ELAPOR1: variants seen among roughly 807,000 people sequenced by gnomAD.
The protein encoded by ELAPOR1 is endosome-lysosome associated apoptosis and autophagy regulator 1, also known as endosome/lysosome-associated apoptosis and autophagy regulator 1.
In ELAPOR1, 77 loss-of-function variants were observed where a neutral mutation model predicts 119.7. That is an observed-to-expected ratio of 0.64 (90% CI 0.54 to 0.78). ELAPOR1 has a LOEUF of 0.78. Ranked by LOEUF, ELAPOR1 falls within the 30% of genes least tolerant of loss-of-function variation. ELAPOR1 has a pLI of 0.00. For missense variants in ELAPOR1, 1,115 were observed against 1,270.4 expected (o/e 0.88, Z 1.86); for synonymous variants, 481 against 487.2 (o/e 0.99, Z 0.17).
intron 3 of ELAPOR1, among the ~76,000 whole-genome samples, chr1:109,165,122 T>A (rs1459328218): frequency 6.6e-6 from 1 of 152,018 alleles, no homozygotes; most frequent in Non-Finnish European, 1.5e-5. Context: ...GAGACCCCTG[T>A]CTCTACAAAA....
Position 109,191,640 on chromosome 1 carries a change from G to T in ELAPOR1, c.1546-86G>T. 6 of 1,561,856 alleles carry T rather than the reference G, an allele frequency of 3.8e-6. No individual in the cohort carries two copies. In the South Asian group the frequency reaches 6.9e-5, roughly 18 times the overall value. On this transcript the variant is annotated intron_variant, in intron 12 of 21. Coordinates refer to ENST00000369939, the MANE Select transcript of ELAPOR1 (RefSeq NM_020775.5). ...CAGTTTAACAAGGGTCTCACCAACC[G>T]TGATGGCACCTGGGATGGCAGCCAC...
In ELAPOR1 at chr1:109,206,295, G is replaced by A. The variant is rs1048323449; in HGVS notation, c.*3283G>A. Reference sequence around the variant, plus strand: ...CTCCCAAAGTGCTGGGATTACAGGTGTAAGCCACCGTGCCTGGCCTACATG... The same window carrying A: ...CTCCCAAAGTGCTGGGATTACAGGTATAAGCCACCGTGCCTGGCCTACATG... On this transcript the variant is annotated 3_prime_UTR_variant, in exon 22 of 22. Coordinates refer to ENST00000369939, the MANE Select transcript of ELAPOR1 (RefSeq NM_020775.5). The A allele has an allele frequency of 2.0e-5, 3 of 152,244 alleles. No individual in the cohort carries two copies. The highest frequency in any genetic ancestry group is 7.2e-5 in the African/African-American group (3 of 41,452). The allele number at this position is 152,244 out of a possible 1,614,324, so 9.4% of individuals were successfully genotyped here.
At chr1:109,140,779 T>A (rs928212652) in intron 1 of ELAPOR1, among the ~76,000 whole-genome samples, 1 of 152,214 alleles carries the variant, frequency 6.6e-6, no homozygotes, top group Non-Finnish European at 1.5e-5. Flanking sequence ...TTATTAAGTG[T>A]CCAGAATTTA....
At chr1:109,144,061 A>ATATCTATT in intron 1 of ELAPOR1, among the ~76,000 whole-genome samples, 1 of 89,018 alleles carries the variant, frequency 1.1e-5, no homozygotes, top group African/African-American at 4.8e-5. Context: ...ATATTTATAT[A>ATATCTATT]TTTTTTTTTT....
At chr1:109,117,912 C>T (rs1648129145) in intron 1 of ELAPOR1, among the ~76,000 whole-genome samples, 1 of 151,944 alleles carries the variant, frequency 6.6e-6, no homozygotes, top group South Asian at 2.1e-4. Flanking sequence ...GGTGGATCAC[C>T]TGAGGTTGGG....
At chr1:109,170,314 G>A (rs1280158872) in intron 3 of ELAPOR1, among the ~76,000 whole-genome samples, 1 of 152,118 alleles carries the variant, frequency 6.6e-6, no homozygotes, top group Non-Finnish European at 1.5e-5. Context: ...TCTTAAGCAG[G>A]GTGATGGGTC....
At chr1:109,195,043 G>A (rs1653698298) in intron 15 of ELAPOR1, among the ~76,000 whole-genome samples, 1 of 152,178 alleles carries the variant, frequency 6.6e-6, no homozygotes, top group Non-Finnish European at 1.5e-5. Context: ...CTGAGAGGTG[G>A]AGGTTGCAGT....
At chr1:109,185,429 C>CT (rs1652985738) in intron 8 of ELAPOR1, among the ~76,000 whole-genome samples, 1 of 147,850 alleles carries the variant, frequency 6.8e-6, no homozygotes, top group Non-Finnish European at 1.5e-5. Flanking sequence ...CCGAGCCACT[C>CT]CGGCAGAGCC....
At chr1:109,173,622 G>T in intron 6 of ELAPOR1, 43 bp downstream of exon 6, 1 of 1,612,970 alleles carries the variant, frequency 6.2e-7, no homozygotes, top group East Asian at 2.2e-5. Flanking sequence ...TGTTGACTTT[G>T]CAGTCTCCTG....
At chr1:109,175,541 T>C (rs184737149) in intron 7 of ELAPOR1, among the ~76,000 whole-genome samples, 2 of 149,908 alleles carry the variant, frequency 1.3e-5, no homozygotes, top group Admixed American at 1.3e-4. Flanking sequence ...AAGATTATAA[T>C]ATAGGCCAGG....
chr1:109,124,910 C>T (rs977005414), intron 1 of ELAPOR1, among the ~76,000 whole-genome samples: 3 of 152,058 alleles, frequency 2.0e-5, no homozygotes, highest in Admixed American at 2.0e-4. Flanking sequence ...CTACCACTTT[C>T]GATTCCTTGT....
intron 3 of ELAPOR1, among the ~76,000 whole-genome samples, chr1:109,165,614 A>C (rs58047360): frequency 0.014 from 2,167 of 151,808 alleles, 40 homozygotes; most frequent in African/African-American, 0.048. Flanking sequence ...AAACAAAAAC[A>C]AAAACCAAAA....
chr1:109,201,279 T>G (rs895631820), intron 21 of ELAPOR1: 14 of 456,310 alleles, frequency 3.1e-5, no homozygotes, highest in African/African-American at 2.8e-4. Flanking sequence ...CTGATAGAAG[T>G]CAGGCTCTCC....
At chr1:109,181,892 G>C (rs190850751) in intron 7 of ELAPOR1, among the ~76,000 whole-genome samples, 25 of 152,296 alleles carry the variant, frequency 1.6e-4, no homozygotes, top group Admixed American at 5.2e-4. Flanking sequence ...AGGCCAACAA[G>C]ACTGCAATTA....
At chr1:109,141,823 A>T (rs538687382) in intron 1 of ELAPOR1, among the ~76,000 whole-genome samples, 21 of 148,782 alleles carry the variant, frequency 1.4e-4, no homozygotes, top group Admixed American at 4.7e-4. Flanking sequence ...GCACCACCAC[A>T]CCTGGCTAAT....
At chr1:109,168,978 A>C (rs909304042) in intron 3 of ELAPOR1, among the ~76,000 whole-genome samples, 1 of 152,222 alleles carries the variant, frequency 6.6e-6, no homozygotes, top group Non-Finnish European at 1.5e-5. Context: ...AATGTAACCC[A>C]CTTATGGCAT....
At chr1:109,133,912 C>T (rs1649301394) in intron 1 of ELAPOR1, among the ~76,000 whole-genome samples, 1 of 152,182 alleles carries the variant, frequency 6.6e-6, no homozygotes. Context: ...ATTTCTTCCA[C>T]CAAATTTCAC....
At chr1:109,120,263 G>A (rs1021887252) in intron 1 of ELAPOR1, among the ~76,000 whole-genome samples, 2 of 152,034 alleles carry the variant, frequency 1.3e-5, no homozygotes, top group African/African-American at 4.8e-5. Flanking sequence ...CTGGTGTGGT[G>A]GTGCATGCCT....
intron 3 of ELAPOR1, 65 bp downstream of exon 3, chr1:109,164,756 G>T: frequency 6.8e-7 from 1 of 1,463,326 alleles, no homozygotes; most frequent in South Asian, 1.3e-5. Context: ...GGGCACACTG[G>T]ACAGCCTCCT....
Sources: gnomAD v4.1 joint callset for allele counts (sites outside exome capture counted in the v4.1 genomes callset) on GRCh38, gnomAD v4.1.1 for gene constraint, MANE v1.5 for transcripts, NCBI Gene and HGNC (gene_info 2026-07-23, HGNC 2026-07-21) for gene names.